The following ANKS1B variants were observed in gnomAD, a reference collection of about 807,000 sequenced individuals.
The protein encoded by ANKS1B is ankyrin repeat and sterile alpha motif domain containing 1B.
Under a neutral mutation model 148.3 loss-of-function variants are expected in ANKS1B, and 36 were observed. The ratio of observed to expected loss-of-function variants is 0.24; its 90% CI spans 0.19 to 0.32. The LOEUF is 0.32. Among genes scored for constraint, ANKS1B ranks in the 10% least tolerant of loss-of-function variants. ANKS1B has a pLI of 1.00. For synonymous variants in ANKS1B, 542 were observed against 560.8 expected (o/e 0.97, Z 0.47); for missense variants, 1,157 against 1,542.6 (o/e 0.75, Z 4.19).
chr12:99,718,741 G>T (rs1048467385), intron 8 of ANKS1B, among the ~76,000 whole-genome samples: 3 of 152,078 alleles, frequency 2.0e-5, no homozygotes, highest in Non-Finnish European at 4.4e-5. Context: ...TTCTGTTCTG[G>T]ATCTCAAACA....
intron 9 of ANKS1B, among the ~76,000 whole-genome samples, chr12:99,610,808 C>G (rs1469147867): frequency 1.3e-5 from 2 of 151,974 alleles, no homozygotes; most frequent in Non-Finnish European, 2.9e-5. Context: ...TGAATGAAAA[C>G]AGAAATTTTT....
intron 17 of ANKS1B, among the ~76,000 whole-genome samples, chr12:98,973,392 A>G (rs1284745028): frequency 6.6e-6 from 1 of 152,202 alleles, no homozygotes; most frequent in Non-Finnish European, 1.5e-5. Context: ...GGGCAGGTAA[A>G]TGAAACTCAC....
chr12:99,728,471 A>G (rs1302260224), intron 8 of ANKS1B, among the ~76,000 whole-genome samples: 1 of 152,196 alleles, frequency 6.6e-6, no homozygotes, highest in Admixed American at 6.5e-5. Flanking sequence ...AAAGTCAAGA[A>G]ACAATAGATG....
At position 99,970,798 on chromosome 12, in the gene ANKS1B, C is replaced by A. The variant is rs367634616; in HGVS notation, c.134+13306G>T. 1.4e-4 allele frequency among the ~76,000 whole-genome samples: 21 copies of A among 152,296 alleles called. No individual in the cohort carries two copies. The South Asian group carries it at 3.9e-3, about 29-fold the overall frequency. ...AAGCACTACCTCCTCTCTGCAGTTT[C>A]CCCTGAATACTCCTCCAAGTCAAAT... On this transcript the variant is annotated intron_variant, in intron 1 of 26. Transcript: ENST00000683438.
intron 10 of ANKS1B, among the ~76,000 whole-genome samples, chr12:99,492,813 A>C (rs1265426332): frequency 1.3e-5 from 2 of 152,208 alleles, no homozygotes; most frequent in Non-Finnish European, 2.9e-5. Flanking sequence ...TGATTATCTC[A>C]ATAGATGCAG....
chr12:99,012,236 T>G (rs2099939863), intron 17 of ANKS1B, among the ~76,000 whole-genome samples: 1 of 152,202 alleles, frequency 6.6e-6, no homozygotes, highest in African/African-American at 2.4e-5. Context: ...AGATGTTATT[T>G]CATTTGAATC....
chr12:99,533,469 A>G (rs1029561934), intron 9 of ANKS1B, among the ~76,000 whole-genome samples: 1 of 152,174 alleles, frequency 6.6e-6, no homozygotes, highest in Non-Finnish European at 1.5e-5. Flanking sequence ...GTATAAGATC[A>G]TATCATCAGC....
chr12:98,787,612 C>T (rs2098807516), intron 22 of ANKS1B, among the ~76,000 whole-genome samples: 2 of 152,098 alleles, frequency 1.3e-5, no homozygotes, highest in South Asian at 2.1e-4. Flanking sequence ...GTAACAAGCA[C>T]GTAGCCAGCG....
At chr12:99,477,672 T>C (rs1473212426) in intron 10 of ANKS1B, among the ~76,000 whole-genome samples, 1 of 152,216 alleles carries the variant, frequency 6.6e-6, no homozygotes, top group Non-Finnish European at 1.5e-5. Flanking sequence ...TTCTCAATGA[T>C]ATCCATTGTT....
chr12:99,712,683 A>G (rs971749830), intron 8 of ANKS1B, among the ~76,000 whole-genome samples: 3 of 152,362 alleles, frequency 2.0e-5, no homozygotes, highest in Non-Finnish European at 2.9e-5. Flanking sequence ...CTAGAAAATA[A>G]GTTATCAGAT....
rs561013025 is a variant in ANKS1B, at chr12:99,683,521, G to T, written c.1129-28311C>A. 1.1e-4 allele frequency among the ~76,000 whole-genome samples: 16 copies of T among 152,006 alleles called. No homozygotes were observed. In the East Asian group the frequency reaches 1.6e-3, roughly 15 times the overall value. On this transcript the variant is annotated intron_variant, in intron 8 of 26. Transcript: ENST00000683438. ...AACAAAAGATGTTCCAGGACCAGAGGAATTCACCGCTGAATTCTATCAGAC... is the reference window on the plus strand; with the variant it reads ...AACAAAAGATGTTCCAGGACCAGAGTAATTCACCGCTGAATTCTATCAGAC...
intron 1 of ANKS1B, among the ~76,000 whole-genome samples, chr12:99,869,351 G>T (rs1211938017): frequency 6.6e-6 from 1 of 152,060 alleles, no homozygotes; most frequent in Non-Finnish European, 1.5e-5. Context: ...TGAAACAGAA[G>T]AGGGTGCAAA....
chr12:98,826,097 G>A (rs2099246639), intron 19 of ANKS1B, among the ~76,000 whole-genome samples: 1 of 152,192 alleles, frequency 6.6e-6, no homozygotes, highest in Non-Finnish European at 1.5e-5. Context: ...ACAGGCTGGA[G>A]AAGCTATGTT....
At chr12:98,924,649 C>T (rs915008873) in intron 17 of ANKS1B, among the ~76,000 whole-genome samples, 2 of 152,046 alleles carry the variant, frequency 1.3e-5, no homozygotes, top group African/African-American at 2.4e-5. Context: ...AGTTTTATTT[C>T]GGGGTGATGC....
intron 1 of ANKS1B, among the ~76,000 whole-genome samples, chr12:99,852,602 G>A (rs775140386): frequency 3.9e-5 from 6 of 152,148 alleles, no homozygotes; most frequent in Non-Finnish European, 8.8e-5. Flanking sequence ...TAGGAGGTAG[G>A]ACTAACTTGC....
At chr12:99,958,550 T>G (rs1054009171) in intron 1 of ANKS1B, among the ~76,000 whole-genome samples, 1 of 152,058 alleles carries the variant, frequency 6.6e-6, no homozygotes, top group Admixed American at 6.5e-5. Context: ...GCCTAGCTAA[T>G]TTTTTTGTAT....
At chr12:99,802,288 T>TTATA in intron 4 of ANKS1B, among the ~76,000 whole-genome samples, 1 of 152,270 alleles carries the variant, frequency 6.6e-6, no homozygotes, top group South Asian at 2.1e-4. Flanking sequence ...TGAGAGAAAC[T>TTATA]TATAAGAAAC....
chr12:99,106,980 AG>A (rs1352913599), intron 15 of ANKS1B, among the ~76,000 whole-genome samples: 1 of 152,186 alleles, frequency 6.6e-6, no homozygotes, highest in Non-Finnish European at 1.5e-5. Flanking sequence ...ACTATGGTCC[AG>A]ACGTCTGCTC....
rs2093273484 is a variant in ANKS1B at position 99,894,281 on chromosome 12, AAGGAAGGAAGGGAGGGAGGGAGGGAGGG to A, written c.135-68920_135-68893del. Among the ~76,000 whole-genome samples, 16 of 64,926 alleles carry A rather than the reference AAGGAAGGAAGGGAGGGAGGGAGGGAGGG, an allele frequency of 2.5e-4. 1 individual carries two copies. In the South Asian group the frequency reaches 0.01, roughly 41 times the overall value. The allele number at this position is 64,926 out of a possible 152,430, so 42.6% of individuals were successfully genotyped here. ...AAGAAAGAAAGGAAAGAAAGGAAGGAAGGAAGGAAGGGAGGGAGGGAGGGAGGGAGGGAGGGAGGGAGGGAGGGAAAGA... is the reference window on the plus strand; with the variant it reads ...AAGAAAGAAAGGAAAGAAAGGAAGGAAGGGAGGGAGGGAGGGAGGGAAAGA... On this transcript the variant is annotated intron_variant, in intron 1 of 26. Transcript: ENST00000683438.
Sources: allele counts gnomAD v4.1 joint callset (sites outside exome capture counted in the v4.1 genomes callset), GRCh38; gene constraint gnomAD v4.1.1; transcripts MANE v1.5; gene names NCBI Gene and HGNC (gene_info 2026-07-23, HGNC 2026-07-21).